The following DNAH10 variants were observed in gnomAD, a reference collection of about 807,000 sequenced individuals.
DNAH10 encodes dynein axonemal heavy chain 10.
In DNAH10, 348 loss-of-function variants were observed where a neutral mutation model predicts 506.6. The observed-to-expected ratio is 0.69, with a 90% CI of 0.63 to 0.75. The LOEUF (loss-of-function observed/expected upper bound fraction) is 0.75, where lower values mean the gene tolerates loss of function less well. Ranked by LOEUF, DNAH10 falls within the 30% of genes least tolerant of loss-of-function variation. The probability of loss-of-function intolerance (pLI) is 0.00; values close to 1 mark genes in which losing one functional copy is unlikely to be tolerated. For missense variants in DNAH10, 5,179 were observed against 5,787.1 expected, an observed-to-expected ratio of 0.89 and a Z score of 3.41; for synonymous variants, 2,059 against 2,198.6, an observed-to-expected ratio of 0.94 and a Z score of 1.78.
At chr12:123,793,864 T>G in intron 11 of DNAH10, 78 bp from the exon 12 acceptor site, 1 of 1,088,822 alleles carries the variant, frequency 9.2e-7, no homozygotes, top group East Asian at 6.8e-5. Flanking sequence ...ACTGATTTTT[T>G]TTTTCTTATT....
intron 53 of DNAH10, among the ~76,000 whole-genome samples, chr12:123,894,178 C>A (rs547143226): frequency 1.3e-5 from 2 of 150,396 alleles, no homozygotes; most frequent in Admixed American, 1.3e-4. Flanking sequence ...GCAGCCTCGA[C>A]CTCCTGGGCT....
intron 19 of DNAH10, 137 bp downstream of exon 19, chr12:123,809,090 C>T: frequency 2.0e-6 from 2 of 1,008,228 alleles, no homozygotes; most frequent in Non-Finnish European, 2.9e-6. Context: ...TCAGTCATCC[C>T]CCAGTTTTCC....
At chr12:123,813,975 A>G in intron 21 of DNAH10, 63 bp downstream of exon 21, 1 of 1,455,054 alleles carries the variant, frequency 6.9e-7, no homozygotes, top group Non-Finnish European at 9.1e-7. Context: ...GACCCTTTTC[A>G]GAAATGCTTC....
Position 123,879,767 on chromosome 12 carries a change from T to C in DNAH10, c.8600T>C (p.Ile2867Thr), listed in dbSNP as rs1952420998. Reference protein sequence around the residue: ...HEGEPRIYEDIQDYEAAKALF... With the variant: ...HEGEPRIYEDTQDYEAAKALF... ...GGAGAACCACGCATTTATGAAGACA[T>C]CCAGGACTACGAGGCGGCCAAGGCT... The change falls in exon 50 of 79, where the codon ATC (isoleucine) becomes ACC (threonine). Residue 2867 changes from isoleucine to threonine, a missense_variant. Around this residue, in one of 3 missense-constraint regions of DNAH10, gnomAD observed 4,844 missense variants for 5,430.5 expected, o/e 0.89. Transcript: ENST00000673944. 6.2e-7 allele frequency: 1 copy of C among 1,613,992 alleles called. No homozygotes were observed. Among genetic ancestry groups the C allele is most frequent in the Non-Finnish European group, 8.5e-7 (1 of 1,179,896 alleles).
chr12:123,897,266 T>G (rs1953295019), intron 54 of DNAH10, among the ~76,000 whole-genome samples: 1 of 152,228 alleles, frequency 6.6e-6, no homozygotes, highest in Admixed American at 6.5e-5. Context: ...CGCTTGGGTC[T>G]TTCCACCTTT....
intron 45 of DNAH10, among the ~76,000 whole-genome samples, chr12:123,872,096 T>G (rs75594150): frequency 0.08 from 12,099 of 152,058 alleles, 1,286 homozygotes; most frequent in African/African-American, 0.24. Context: ...TGGAGGTGAG[T>G]ATGATCTGGG....
chr12:123,881,947 G>T, intron 51 of DNAH10, 134 bp downstream of exon 51: 1 of 900,812 alleles, frequency 1.1e-6, no homozygotes. Context: ...GGGTGTTTTG[G>T]TTTGTTTTAT....
At chr12:123,792,833 T>C (rs974864728) in intron 11 of DNAH10, among the ~76,000 whole-genome samples, 1 of 152,178 alleles carries the variant, frequency 6.6e-6, no homozygotes, top group African/African-American at 2.4e-5. Context: ...CTCATCTGTG[T>C]TGGATTTTCA....
At chr12:123,764,066 A>G (rs1363221665) in intron 1 of DNAH10, among the ~76,000 whole-genome samples, 2 of 151,698 alleles carry the variant, frequency 1.3e-5, no homozygotes, top group Non-Finnish European at 2.9e-5. Context: ...GGGTTTCACC[A>G]TGTTGGCCGG....
chr12:123,846,041 C>T lies in DNAH10; in HGVS notation c.5701C>T (p.Leu1901=), dbSNP rs1950938795. The change falls in exon 32 of 79, where the codon CTG becomes TTG. Residue 1901 remains leucine (L), a synonymous_variant. Coordinates refer to ENST00000673944, the MANE Select transcript of DNAH10 (RefSeq NM_001372106.1). This position sits in a 1 kb window ranked among gnomAD's most constrained non-coding sequence, Gnocchi z 4.5. ...RFYWDREPDE[L]NIRQCTGTFG... ...TTATTGGGACCGGGAGCCGGATGAG[C>T]TGAACATCCGCCAGTGCACGGGAAC... is the stretch of plus-strand genomic sequence containing the variant. 1 of 1,613,906 alleles carries T rather than the reference C, an allele frequency of 6.2e-7. No individual in the cohort carries two copies. Among genetic ancestry groups the T allele is most frequent in the African/African-American group, 1.3e-5 (1 of 74,924 alleles).
At chr12:123,779,967 G>A (rs1375024186) in intron 5 of DNAH10, among the ~76,000 whole-genome samples, 2 of 152,062 alleles carry the variant, frequency 1.3e-5, no homozygotes, top group East Asian at 1.9e-4. Context: ...GTGGGCTGGG[G>A]GCTAAGTTGT....
rs374560215 is a variant in DNAH10, at chr12:123,914,443, C to T, written c.10467C>T (p.Asp3489=). 122 of 1,613,812 alleles carry T rather than the reference C, an allele frequency of 7.6e-5. 1 individual carries two copies. The highest frequency in any genetic ancestry group is 4.0e-4 in the East Asian group (18 of 44,880). The part of the protein sequence containing the change: ...YEGAFTWEFR[D]EMVNRIWQND... ...GAGCCTTCACCTGGGAGTTCCGTGA[C>T]GAGATGGTCAATCGGATTTGGCAAA... is the stretch of plus-strand genomic sequence containing the variant. The change falls in exon 61 of 79, where the codon GAC becomes GAT. Residue 3489 remains aspartate (D), a synonymous_variant. Coordinates refer to ENST00000673944, the MANE Select transcript of DNAH10 (RefSeq NM_001372106.1).
At chr12:123,901,282 C>G (rs1216452337) in intron 56 of DNAH10, among the ~76,000 whole-genome samples, 2 of 152,212 alleles carry the variant, frequency 1.3e-5, no homozygotes, top group Non-Finnish European at 2.9e-5. Context: ...CTGGCACCAC[C>G]CCCCACCCCC....
At chr12:123,904,850 T>C (rs958903956) in intron 57 of DNAH10, among the ~76,000 whole-genome samples, 11 of 152,248 alleles carry the variant, frequency 7.2e-5, no homozygotes, top group Admixed American at 6.5e-5. Flanking sequence ...GCTGTGATTA[T>C]GGCTCCAGCA....
At chr12:123,801,471 G>A in intron 16 of DNAH10, 39 bp downstream of exon 16, 1 of 1,592,368 alleles carries the variant, frequency 6.3e-7, no homozygotes, top group Non-Finnish European at 8.6e-7. Flanking sequence ...TTAGACTTGG[G>A]ATGCAAAGTA....
chr12:123,821,033 T>C (rs747080200), intron 24 of DNAH10, among the ~76,000 whole-genome samples: 3 of 152,190 alleles, frequency 2.0e-5, no homozygotes, highest in African/African-American at 4.8e-5. Flanking sequence ...GTGCATCACC[T>C]GCGGTCAGGA....
At chr12:123,895,620 A>G (rs1333091973) in intron 54 of DNAH10, among the ~76,000 whole-genome samples, 1 of 152,136 alleles carries the variant, frequency 6.6e-6, no homozygotes, top group Non-Finnish European at 1.5e-5. Context: ...ATAACACTTT[A>G]TTTACAAAAA....
At position 123,893,336 on chromosome 12, in the gene DNAH10, G is replaced by A. The variant is rs544110339; in HGVS notation, c.9099G>A (p.Val3033=). 6.2e-7 allele frequency: 1 copy of A among 1,614,060 alleles called. No individual in the cohort carries two copies. Among genetic ancestry groups the A allele is most frequent in the Non-Finnish European group, 8.5e-7 (1 of 1,179,904 alleles). ...KQGMGPAKES[V]WQYFVNKSAN... ...GCATGGGGCCGGCCAAGGAGTCTGTGTGGCAGTACTTCGTGAACAAAAGTG... is the reference window on the plus strand; with the variant it reads ...GCATGGGGCCGGCCAAGGAGTCTGTATGGCAGTACTTCGTGAACAAAAGTG... The change falls in exon 53 of 79, where the codon GTG becomes GTA. Residue 3033 remains valine, a synonymous_variant. Coordinates refer to ENST00000673944, the MANE Select transcript of DNAH10 (RefSeq NM_001372106.1).
chr12:123,820,891 G>T, intron 24 of DNAH10, 133 bp downstream of exon 24: 1 of 1,014,882 alleles, frequency 9.9e-7, no homozygotes, highest in Non-Finnish European at 1.4e-6. Flanking sequence ...CATTTTGGCC[G>T]CAGGGAAGGG....
Sources: gnomAD v4.1 joint callset for allele counts (sites outside exome capture counted in the v4.1 genomes callset) on GRCh38, gnomAD v4.1.1 for gene constraint, gnomAD v4.1.1 regional missense constraint, Gnocchi (gnomAD v3.1) non-coding constraint, MANE v1.5 for transcripts, NCBI Gene and HGNC (gene_info 2026-07-23, HGNC 2026-07-21) for gene names.